Variants in DNMT3A observed in about 807,000 individuals in gnomAD.
DNMT3A encodes DNA methyltransferase 3 alpha, also known as DNA (cytosine-5)-methyltransferase 3A.
In DNMT3A, 267 loss-of-function variants were observed where a neutral mutation model predicts 117.6. The ratio of observed to expected loss-of-function variants is 2.27; its 90% confidence interval spans 2.05 to 2.51. The LOEUF is 2.51. Ranked by LOEUF, DNMT3A falls within the 30% of genes most tolerant of loss-of-function variation. The probability of loss-of-function intolerance (pLI) is 0.00; values close to 1 mark genes in which losing one functional copy is unlikely to be tolerated. For synonymous variants in DNMT3A, 432 were observed against 474.8 expected, an observed-to-expected ratio of 0.91 and a Z score of 1.17; for missense variants, 1,029 against 1,260.2, an observed-to-expected ratio of 0.82 and a Z score of 2.78.
At chr2:25,270,952 A>T (rs1226315885) in intron 6 of DNMT3A, among the ~76,000 whole-genome samples, 1 of 151,868 alleles carries the variant, frequency 6.6e-6, no homozygotes, top group Non-Finnish European at 1.5e-5. Context: ...TGAACCTGGG[A>T]GATGGAGGTT....
chr2:25,317,137 C>G (rs1445294216), intron 1 of DNMT3A, among the ~76,000 whole-genome samples: 1 of 152,050 alleles, frequency 6.6e-6, no homozygotes, highest in Admixed American at 6.6e-5. Flanking sequence ...CTCAATGCAG[C>G]CTCAAACTCC....
chr2:25,246,798 T>G (rs1379998771), intron 9 of DNMT3A, 22 bp from the exon 10 acceptor site: 2 of 1,609,910 alleles, frequency 1.2e-6, no homozygotes, highest in Non-Finnish European at 1.7e-6. Flanking sequence ...CACGCCAGGG[T>G]TGGGGTTGTC....
chr2:25,253,377 T>G (rs991432275), intron 6 of DNMT3A, among the ~76,000 whole-genome samples: 1 of 152,088 alleles, frequency 6.6e-6, no homozygotes, highest in African/African-American at 2.4e-5. Flanking sequence ...AAGGTAACTA[T>G]GCCACAAATA....
intron 15 of DNMT3A, 41 bp from the exon 16 acceptor site, chr2:25,244,023 T>C (rs768636215): frequency 2.6e-6 from 4 of 1,549,978 alleles, no homozygotes; most frequent in East Asian, 4.7e-5. Context: ...GGCCCAGCGG[T>C]GTCCCAAGCT....
intron 6 of DNMT3A, among the ~76,000 whole-genome samples, chr2:25,255,782 A>G (rs975191658): frequency 5.9e-5 from 9 of 152,224 alleles, no homozygotes; most frequent in African/African-American, 2.2e-4. Flanking sequence ...TCTGGGGTGC[A>G]TCATTCTCCT....
At chr2:25,330,517 A>G (rs2034976463) in intron 1 of DNMT3A, among the ~76,000 whole-genome samples, 1 of 152,240 alleles carries the variant, frequency 6.6e-6, no homozygotes, top group Non-Finnish European at 1.5e-5. Context: ...AGGCCACCAT[A>G]CAGCCCAAGG....
rs1676627396 is a variant in DNMT3A, at chr2:25,261,674, G to A, written c.639+13267C>T. Among the ~76,000 whole-genome samples, 4 of 151,878 alleles carry A rather than the reference G, an allele frequency of 2.6e-5. No individual in the cohort carries two copies. In the South Asian group the frequency reaches 8.3e-4, roughly 32 times the overall value. ...GTATATATTGTAAAAGTAAAGGGCT[G>A]CATAGATAGGTGAAAGGGGGGTTCA... On this transcript the variant is annotated intron_variant, in intron 6 of 22. Coordinates refer to ENST00000321117, the MANE Select transcript of DNMT3A (RefSeq NM_022552.5).
chr2:25,275,575 C>T (rs768827002), intron 4 of DNMT3A, 32 bp from the exon 5 acceptor site: 21 of 1,550,540 alleles, frequency 1.4e-5, no homozygotes, highest in Admixed American at 4.5e-5. Flanking sequence ...GGGACCAGTT[C>T]GTTGGTCGGC....
chr2:25,261,796 C>G (rs928495270), intron 6 of DNMT3A, among the ~76,000 whole-genome samples: 1 of 152,092 alleles, frequency 6.6e-6, no homozygotes, highest in African/African-American at 2.4e-5. Flanking sequence ...CCTCCCTATC[C>G]TGGTCCTCTC....
intron 1 of DNMT3A, among the ~76,000 whole-genome samples, chr2:25,322,888 T>A (rs1312288643): frequency 6.6e-6 from 1 of 152,112 alleles, no homozygotes; most frequent in South Asian, 2.1e-4. Context: ...GGGCCCCTTC[T>A]TCTCCGTCTC....
intron 16 of DNMT3A, 153 bp from the exon 17 acceptor site, chr2:25,241,860 T>A (rs1674101048): frequency 2.0e-6 from 2 of 977,858 alleles, no homozygotes; most frequent in African/African-American, 1.7e-5. Context: ...CCTTTCTGGA[T>A]CCAACTGGAG....
At position 25,338,799 on chromosome 2, in the gene DNMT3A, C is replaced by A. The variant is rs537402484; in HGVS notation, c.-178+3027G>T. Among the ~76,000 whole-genome samples, 70 of 152,274 alleles carry A rather than the reference C, an allele frequency of 4.6e-4. 2 individuals are homozygous for A. In the South Asian group the frequency reaches 0.011, roughly 23 times the overall value. The stretch of plus-strand genomic sequence containing the variant: ...CGGTGACCCTGGACAAGGATTTTAC[C>A]GTTTGTCCTGTCTTCCTAGCTTTTT... On this transcript the variant is annotated intron_variant, in intron 1 of 22. Coordinates refer to ENST00000321117, the MANE Select transcript of DNMT3A (RefSeq NM_022552.5).
intron 2 of DNMT3A, 77 bp downstream of exon 2, chr2:25,313,836 G>A: frequency 6.5e-7 from 1 of 1,545,588 alleles, no homozygotes; most frequent in Non-Finnish European, 8.7e-7. Context: ...TCAGTATGAG[G>A]AGCCGGCTGT....
In DNMT3A at chr2:25,298,181, G is replaced by A. The variant is rs377225700; in HGVS notation, c.177+1958C>T. ...TTCAAGGTTACACAGGTGGTCAGTGGTGGAGCCAGAATTTGAACTCAGGTC... is the reference window on the plus strand; with the variant it reads ...TTCAAGGTTACACAGGTGGTCAGTGATGGAGCCAGAATTTGAACTCAGGTC... On this transcript the variant is annotated intron_variant, in intron 3 of 22. Coordinates refer to ENST00000321117, the MANE Select transcript of DNMT3A (RefSeq NM_022552.5). This position sits in a 1 kb window ranked among gnomAD's most constrained non-coding sequence, Gnocchi z 4.3. 3.9e-5 allele frequency among the ~76,000 whole-genome samples: 6 copies of A among 152,336 alleles called. No homozygotes were observed. The East Asian group carries it at 7.7e-4, about 20-fold the overall frequency.
At position 25,248,059 on chromosome 2, in the gene DNMT3A, C is replaced by T; in HGVS notation, c.833G>A (p.Gly278Asp). Residue 278 changes from glycine (G) to aspartate (D), a missense_variant, in exon 7 of 23, where the codon GGC becomes GAC. By Grantham distance (94) the Gly-to-Asp change is moderately conservative. Coordinates refer to ENST00000321117, the MANE Select transcript of DNMT3A (RefSeq NM_022552.5). ...DAGDKNATKA[G>D]DDEPEYEDGR... is the part of the protein sequence containing the mutation. ...CACCTCGTACTCTGGCTCGTCATCGCCTGCTTTGGTGGCATTCTTGTCCCC... is the reference window on the plus strand; with the variant it reads ...CACCTCGTACTCTGGCTCGTCATCGTCTGCTTTGGTGGCATTCTTGTCCCC... 1 of 1,612,408 alleles carries T rather than the reference C, an allele frequency of 6.2e-7. No homozygotes were observed. Among genetic ancestry groups the T allele is most frequent in the Non-Finnish European group, 8.5e-7 (1 of 1,179,990 alleles).
intron 1 of DNMT3A, chr2:25,328,588 C>A (rs1445405010): frequency 4.2e-6 from 2 of 474,858 alleles, no homozygotes; most frequent in East Asian, 1.3e-4. Context: ...CCCGTCCCCC[C>A]CGCCCACAGC....
At chr2:25,288,908 G>A (rs554771506) in intron 3 of DNMT3A, among the ~76,000 whole-genome samples, 5 of 152,256 alleles carry the variant, frequency 3.3e-5, no homozygotes, top group East Asian at 1.9e-4. Context: ...GTTGGCAGGT[G>A]TGGACAGCTG....
At chr2:25,283,883 G>A (rs1389201571) in intron 3 of DNMT3A, among the ~76,000 whole-genome samples, 1 of 152,218 alleles carries the variant, frequency 6.6e-6, no homozygotes, top group African/African-American at 2.4e-5. Context: ...TGGGAAGCAG[G>A]TGAGGAACCT....
intron 1 of DNMT3A, among the ~76,000 whole-genome samples, chr2:25,318,583 G>A (rs540148894): frequency 4.1e-4 from 62 of 152,110 alleles, no homozygotes; most frequent in Non-Finnish European, 7.6e-4. Flanking sequence ...ACCGTGCCCA[G>A]CCAAAATTCT....
Sources: allele counts gnomAD v4.1 joint callset (sites outside exome capture counted in the v4.1 genomes callset), GRCh38; gene constraint gnomAD v4.1.1; non-coding constraint Gnocchi (gnomAD v3.1); transcripts MANE v1.5; gene names NCBI Gene and HGNC (gene_info 2026-07-23, HGNC 2026-07-21).